The following EYS variants were observed in gnomAD, a reference collection of about 807,000 sequenced individuals.
The protein encoded by EYS is EGF-like photoreceptor maintenance factor, also known as protein eyes shut homolog.
A neutral mutation model predicts 282.1 loss-of-function variants in EYS; 250 were observed. The observed-to-expected ratio is 0.89, with a 90% CI of 0.80 to 0.98. The LOEUF (loss-of-function observed/expected upper bound fraction) is 0.98. Ranked by LOEUF, EYS falls within the 50% of genes least tolerant of loss-of-function variation. EYS has a pLI of 0.00. For synonymous variants in EYS, 1,355 were observed against 1,282.9 expected, an observed-to-expected ratio of 1.06 and a Z score of -1.20; for missense variants, 4,016 against 3,709.0, an observed-to-expected ratio of 1.08 and a Z score of -2.15.
At chr6:65,030,960 T>G (rs1316979400) in intron 13 of EYS, among the ~76,000 whole-genome samples, 1 of 152,042 alleles carries the variant, frequency 6.6e-6, no homozygotes. Flanking sequence ...GAGAAAATTC[T>G]ACAAGGCAAA....
chr6:64,540,343 G>A (rs918504582), intron 26 of EYS, among the ~76,000 whole-genome samples: 1 of 152,106 alleles, frequency 6.6e-6, no homozygotes, highest in Non-Finnish European at 1.5e-5. Context: ...TTTCTCTTGA[G>A]GAAACCATGG....
intron 13 of EYS, among the ~76,000 whole-genome samples, chr6:65,024,220 TC>T (rs1772331001): frequency 6.6e-6 from 1 of 152,174 alleles, no homozygotes; most frequent in Admixed American, 6.5e-5. Context: ...GAGCTTTTAT[TC>T]ACGAAGGAGG....
chr6:64,865,115 T>A (rs1766387079), intron 19 of EYS, among the ~76,000 whole-genome samples: 1 of 152,286 alleles, frequency 6.6e-6, no homozygotes, highest in East Asian at 1.9e-4. Context: ...ATTGGTTGCT[T>A]TATAACAATC....
At chr6:64,441,431 T>C (rs113475134) in intron 26 of EYS, among the ~76,000 whole-genome samples, 70 of 152,268 alleles carry the variant, frequency 4.6e-4, no homozygotes, top group African/African-American at 1.5e-3. Flanking sequence ...GATCTTGAAG[T>C]ATATCTTTGA....
chr6:64,135,330 T>C (rs111664851), intron 31 of EYS, among the ~76,000 whole-genome samples: 1 of 152,180 alleles, frequency 6.6e-6, no homozygotes, highest in African/African-American at 2.4e-5. Flanking sequence ...TAAACTACTA[T>C]GAACATTATG....
intron 28 of EYS, among the ~76,000 whole-genome samples, chr6:64,405,426 G>A (rs1773673802): frequency 6.6e-6 from 1 of 152,138 alleles, no homozygotes; most frequent in Non-Finnish European, 1.5e-5. Flanking sequence ...CACAGGACAA[G>A]GATGCCTTCT....
intron 36 of EYS, among the ~76,000 whole-genome samples, chr6:63,829,011 A>G (rs1771550925): frequency 6.6e-6 from 1 of 152,234 alleles, no homozygotes; most frequent in African/African-American, 2.4e-5. Flanking sequence ...TCATTATTCA[A>G]AAAAGATACT....
intron 31 of EYS, among the ~76,000 whole-genome samples, chr6:64,129,264 T>C (rs1489296570): frequency 6.6e-6 from 1 of 152,208 alleles, no homozygotes; most frequent in Non-Finnish European, 1.5e-5. Context: ...TTCCTATTTC[T>C]CCACATCCTC....
chr6:65,525,754 T>C (rs1482768136), intron 2 of EYS, among the ~76,000 whole-genome samples: 1 of 152,242 alleles, frequency 6.6e-6, no homozygotes, highest in Non-Finnish European at 1.5e-5. Context: ...TTTACAGTCT[T>C]GCCTCATGGC....
At chr6:64,588,680 T>C (rs1206024205) in intron 26 of EYS, among the ~76,000 whole-genome samples, 2 of 152,060 alleles carry the variant, frequency 1.3e-5, no homozygotes, top group Non-Finnish European at 1.5e-5. Flanking sequence ...CCTTAAACTC[T>C]ACCCATATTT....
At chr6:65,028,601 T>C (rs1426093060) in intron 13 of EYS, among the ~76,000 whole-genome samples, 1 of 152,070 alleles carries the variant, frequency 6.6e-6, no homozygotes, top group Non-Finnish European at 1.5e-5. Context: ...TATCTGATGT[T>C]ACCTTTTGAT....
chr6:65,130,596 A>ATG (rs1775841662), intron 12 of EYS, among the ~76,000 whole-genome samples: 1 of 151,886 alleles, frequency 6.6e-6, no homozygotes, highest in Non-Finnish European at 1.5e-5. Context: ...TGGGAGCTAA[A>ATG]TAATGAGAAC....
At chr6:65,047,501 G>A (rs919244705) in intron 13 of EYS, among the ~76,000 whole-genome samples, 3 of 151,928 alleles carry the variant, frequency 2.0e-5, no homozygotes, top group African/African-American at 7.2e-5. Flanking sequence ...ATGATTATAT[G>A]TTTCACATTT....
intron 26 of EYS, among the ~76,000 whole-genome samples, chr6:64,448,144 G>A (rs9345118): frequency 0.28 from 42,145 of 152,016 alleles, 5,978 homozygotes; most frequent in East Asian, 0.46. Context: ...TGGAAAATCG[G>A]GTAACTCCCA....
intron 33 of EYS, among the ~76,000 whole-genome samples, chr6:64,064,449 C>T (rs1460261437): frequency 1.3e-5 from 2 of 152,272 alleles, no homozygotes; most frequent in East Asian, 3.9e-4. Context: ...AATATATAGT[C>T]CTAGGGTCAG....
intron 26 of EYS, among the ~76,000 whole-genome samples, chr6:64,442,658 GT>G (rs1415546041): frequency 6.6e-6 from 1 of 152,132 alleles, no homozygotes; most frequent in African/African-American, 2.4e-5. Context: ...TGTTCCAGCT[GT>G]TCCAGCCATG....
intron 2 of EYS, among the ~76,000 whole-genome samples, chr6:65,618,911 T>C (rs961434795): frequency 1.1e-4 from 17 of 152,286 alleles, no homozygotes; most frequent in Admixed American, 2.0e-4. Flanking sequence ...CATTGATCTA[T>C]ATCTCTGTTT....
At chr6:63,773,643 A>ACTTTT (rs1769989988) in intron 40 of EYS, among the ~76,000 whole-genome samples, 1 of 152,338 alleles carries the variant, frequency 6.6e-6, no homozygotes, top group East Asian at 1.9e-4. Context: ...AAGAGCAAAG[A>ACTTTT]GGATTTTAGG....
rs564193639 is a variant in EYS, at chr6:64,349,503, A to G, written c.6078+39187T>C. On this transcript the variant is annotated intron_variant, in intron 29 of 42. Transcript: ENST00000503581. Reference sequence around the variant, plus strand: ...CTGAACAATTAGGAAAATGCCAGCTAAAATAAAAATTTAGTCTGTGATATT... The same window carrying G: ...CTGAACAATTAGGAAAATGCCAGCTGAAATAAAAATTTAGTCTGTGATATT... Among the ~76,000 whole-genome samples, 4 of 151,420 alleles carry G rather than the reference A, an allele frequency of 2.6e-5. No homozygotes were observed. In the South Asian group the frequency reaches 8.3e-4, roughly 31 times the overall value.
Sources: gnomAD v4.1 joint callset for allele counts (sites outside exome capture counted in the v4.1 genomes callset) on GRCh38, gnomAD v4.1.1 for gene constraint, MANE v1.5 for transcripts, NCBI Gene and HGNC (gene_info 2026-07-23, HGNC 2026-07-21) for gene names.